Variants in OR1L8 observed in about 807,000 individuals in gnomAD.
OR1L8 encodes olfactory receptor family 1 subfamily L member 8, also known as olfactory receptor 1L8.
For missense variants in OR1L8, 330 were observed against 377.4 expected, an observed-to-expected ratio of 0.87 and a Z score of 1.04; for synonymous variants, 148 against 147.0, an observed-to-expected ratio of 1.01 and a Z score of -0.05.
the OR1L8 span, among the ~76,000 whole-genome samples, chr9:122,550,062 A>G: frequency 2.2e-5 from 3 of 135,952 alleles, no homozygotes; most frequent in Non-Finnish European, 4.7e-5. Flanking sequence ...TTTTTCTTGT[A>G]GACATTTTTT....
rs746215207 is a variant in OR1L8, at chr9:122,568,004, G to A, written c.474C>T (p.Leu158=). ...GACGATTCAGCAGAAGTGTGTGCAG[G>A]AGTGAGTGGAGGTGAGGAAATGAGC... ...FSCSFPHLHS[L]LHTLLLNRLT... The change falls in exon 5 of 5, where the codon CTC becomes CTT. Residue 158 remains leucine (L), a synonymous_variant. Transcript: ENST00000641027. 1.2e-6 allele frequency: 2 copies of A among 1,614,106 alleles called. No homozygotes were observed. The highest frequency in any genetic ancestry group is 4.5e-5 in the East Asian group (2 of 44,876).
At chr9:122,555,982 T>A in the OR1L8 span, among the ~76,000 whole-genome samples, 1 of 152,240 alleles carries the variant, frequency 6.6e-6, no homozygotes, top group African/African-American at 2.4e-5. Flanking sequence ...TATAGTATCA[T>A]ACAGAATAGT....
At chr9:122,553,693 T>A in the OR1L8 span, 1 of 1,614,116 alleles carries the variant, frequency 6.2e-7, no homozygotes, top group Non-Finnish European at 8.5e-7. Context: ...CCTGCCCTGA[T>A]GCACACACTG....
At chr9:122,547,165 G>C in the OR1L8 span, among the ~76,000 whole-genome samples, 1 of 151,664 alleles carries the variant, frequency 6.6e-6, no homozygotes, top group Non-Finnish European at 1.5e-5. Flanking sequence ...GACTAGTAAA[G>C]AAAAAAAGTA....
chr9:122,574,528 T>C (rs1223828412), intron 3 of OR1L8, among the ~76,000 whole-genome samples: 1 of 152,166 alleles, frequency 6.6e-6, no homozygotes, highest in Non-Finnish European at 1.5e-5. Context: ...ATGGCTTTTG[T>C]ATATTAATCC....
At chr9:122,574,192 T>C (rs1829601645) in intron 3 of OR1L8, among the ~76,000 whole-genome samples, 1 of 152,180 alleles carries the variant, frequency 6.6e-6, no homozygotes, top group South Asian at 2.1e-4. Context: ...ACTCTGGGTC[T>C]TTTGCCTCTA....
At chr9:122,563,460 GT>G (rs1024268253), downstream of OR1L8, among the ~76,000 whole-genome samples, 1 of 151,916 alleles carries the variant, frequency 6.6e-6, no homozygotes, top group Admixed American at 6.6e-5. Flanking sequence ...TCATTTATTT[GT>G]TTTTTTGTTG....
At chr9:122,569,540 T>TTTTTTTTGCAATTAAAGTTTTTG (rs373863890) in intron 4 of OR1L8, among the ~76,000 whole-genome samples, 3 of 152,112 alleles carry the variant, frequency 2.0e-5, no homozygotes, top group South Asian at 2.1e-4. Flanking sequence ...ACCTTGTGAA[T>TTTTTTTTGCAATTAAAGTTTTTG]AGGCATATTA....
chr9:122,579,749 T>C (rs974969533), intron 1 of OR1L8, among the ~76,000 whole-genome samples: 1 of 152,162 alleles, frequency 6.6e-6, no homozygotes, highest in Admixed American at 6.5e-5. Flanking sequence ...TCAAGATTTG[T>C]GTAGGGAAGA....
chr9:122,553,369 G>A, the OR1L8 span: 15 of 1,613,896 alleles, frequency 9.3e-6, no homozygotes, highest in Non-Finnish European at 1.3e-5. Context: ...CTGGCCATCA[G>A]CTCTGACCCA....
At chr9:122,546,568 A>C in the OR1L8 span, among the ~76,000 whole-genome samples, 1 of 152,186 alleles carries the variant, frequency 6.6e-6, no homozygotes, top group Non-Finnish European at 1.5e-5. Context: ...TATTTCAAAA[A>C]ATGCTACGGA....
chr9:122,569,228 A>G (rs1039958477), intron 4 of OR1L8, among the ~76,000 whole-genome samples: 1 of 151,992 alleles, frequency 6.6e-6, no homozygotes, highest in Non-Finnish European at 1.5e-5. Context: ...CTTTTTTTGT[A>G]AATTGTTTTT....
At chr9:122,556,967 G>A in the OR1L8 span, among the ~76,000 whole-genome samples, 1 of 151,980 alleles carries the variant, frequency 6.6e-6, no homozygotes, top group Non-Finnish European at 1.5e-5. Context: ...CTTGTATATA[G>A]ATTTATATCT....
At chr9:122,552,570 A>G in the OR1L8 span, among the ~76,000 whole-genome samples, 1 of 151,932 alleles carries the variant, frequency 6.6e-6, no homozygotes, top group Non-Finnish European at 1.5e-5. Flanking sequence ...CTAACAGTGG[A>G]TGGGGGAGTA....
At chr9:122,553,652 G>T in the OR1L8 span, 2 of 1,614,086 alleles carry the variant, frequency 1.2e-6, no homozygotes, top group South Asian at 2.2e-5. Flanking sequence ...GTGCACTAAT[G>T]CTGGGTGTGT....
Position 122,568,100 on chromosome 9 carries a change from G to C in OR1L8, c.378C>G (p.Ala126=). The C allele has an allele frequency of 1.9e-6, 3 of 1,613,982 alleles. No homozygotes were observed. Among genetic ancestry groups the C allele is most frequent in the Non-Finnish European group, 2.5e-6 (3 of 1,179,974 alleles). The part of the protein sequence containing the change: ...LAVMAFDRYV[A]VCDPFHYVTT... ...TGACATAGTGGAAAGGGTCACAGACGGCCACATAGCGGTCAAAGGCCATGA... is the reference window on the plus strand; with the variant it reads ...TGACATAGTGGAAAGGGTCACAGACCGCCACATAGCGGTCAAAGGCCATGA... Residue 126 remains alanine (A), a synonymous_variant, in exon 5 of 5, where the codon GCC becomes GCG. Coordinates refer to ENST00000641027, the MANE Select transcript of OR1L8 (RefSeq NM_001004454.2).
intron 1 of OR1L8, among the ~76,000 whole-genome samples, chr9:122,579,383 A>T (rs1453512050): frequency 3.9e-5 from 6 of 152,112 alleles, no homozygotes; most frequent in African/African-American, 1.4e-4. Flanking sequence ...TTTTAAGGTA[A>T]TACCTATCCC....
intron 3 of OR1L8, among the ~76,000 whole-genome samples, chr9:122,573,578 T>C (rs2900210): frequency 0.11 from 16,831 of 152,228 alleles, 1,130 homozygotes; most frequent in South Asian, 0.19. Flanking sequence ...TTGGCCCGTT[T>C]TTAATTGGGT....
chr9:122,553,835 G>C, the OR1L8 span: 5 of 1,614,026 alleles, frequency 3.1e-6, no homozygotes, highest in Admixed American at 1.7e-5. Flanking sequence ...TGGGCTTGCT[G>C]TTCCTCACTG....
Sources: allele counts gnomAD v4.1 joint callset (sites outside exome capture counted in the v4.1 genomes callset), GRCh38; gene constraint gnomAD v4.1.1; transcripts MANE v1.5; gene names NCBI Gene and HGNC (gene_info 2026-07-23, HGNC 2026-07-21).